The following FAAH variants were observed in gnomAD, a reference collection of about 807,000 sequenced individuals.
FAAH encodes the protein fatty acid amide hydrolase, also known as fatty-acid amide hydrolase 1.
FAAH carries 63 observed loss-of-function variants against 69.7 expected under a neutral mutation model. That is an observed-to-expected ratio of 0.90 (90% CI 0.74 to 1.12). The LOEUF (loss-of-function observed/expected upper bound fraction) is 1.12. Among genes scored for constraint, FAAH ranks in the 50% most tolerant of loss-of-function variants. The pLI is 0.00. For missense variants in FAAH, 680 were observed against 755.0 expected (o/e 0.90, Z 1.16); for synonymous variants, 305 against 324.2 (o/e 0.94, Z 0.64).
At chr1:46,399,514 C>G (rs1049136205) in intron 1 of FAAH, among the ~76,000 whole-genome samples, 2 of 152,134 alleles carry the variant, frequency 1.3e-5, no homozygotes, top group Non-Finnish European at 2.9e-5. Flanking sequence ...GTGTGCTGAG[C>G]GTGGAGGGGA....
At position 46,400,711 on chromosome 1, in the gene FAAH, G is replaced by A. The variant is rs148610976; in HGVS notation, c.196-1380G>A. On this transcript the variant is annotated intron_variant, in intron 1 of 14. Coordinates refer to ENST00000243167, the MANE Select transcript of FAAH (RefSeq NM_001441.3). ...GTGACAGGAATAGCCCAGTGAGCTG[G>A]TTTGGGCTCCATTGCCTCGGGCTGG... Among the ~76,000 whole-genome samples, 1,164 of 144,840 alleles carry A rather than the reference G, an allele frequency of 8.0e-3. 14 individuals are homozygous for A. The highest frequency in any genetic ancestry group is 0.019 in the South Asian group (81 of 4,300).
Position 46,405,858 on chromosome 1 carries a change from C to G in FAAH, c.785+64C>G, listed in dbSNP as rs991980853. 1 of 1,607,428 alleles carries G rather than the reference C, an allele frequency of 6.2e-7. No homozygotes were observed. Among genetic ancestry groups the G allele is most frequent in the Non-Finnish European group, 8.5e-7 (1 of 1,177,262 alleles). ...GTGACCTTGGCCTAGCTTCCAACCT[C>G]TCTGGGCTCCAGGCGGGGATTCGGT... is the stretch of plus-strand genomic sequence containing the variant. On this transcript the variant is annotated intron_variant, in intron 5 of 14. Transcript: ENST00000243167. The surrounding 1 kb of genome is among the most constrained non-coding windows in gnomAD (Gnocchi z 4.1).
rs1404614941 is a variant in FAAH, at chr1:46,394,440, G to A, written c.92G>A (p.Trp31Ter). ...CFVAAAVALR[W>*]SGRRTARGAV... ...GTGGCGGCGGCCGTGGCCCTGCGCT[G>A]GTCCGGGCGCCGGACGGCGCGGGGC... The change falls in exon 1 of 15, where the codon TGG (tryptophan) becomes TAG (stop). Residue 31 changes from tryptophan to a stop codon, truncating the protein, a stop_gained. Coordinates refer to ENST00000243167, the MANE Select transcript of FAAH (RefSeq NM_001441.3). LOFTEE classifies it high-confidence loss of function. 2 of 1,397,062 alleles carry A rather than the reference G, an allele frequency of 1.4e-6. No homozygotes were observed. Among genetic ancestry groups the A allele is most frequent in the South Asian group, 1.6e-5 (1 of 61,854 alleles). 86.5% of individuals were successfully genotyped at this position (1,397,062 alleles called of 1,614,324 possible).
intron 8 of FAAH, 139 bp from the exon 9 acceptor site, chr1:46,408,962 A>T: frequency 1.3e-6 from 1 of 749,734 alleles, no homozygotes; most frequent in African/African-American, 1.7e-5. Flanking sequence ...ATGGGTCAGT[A>T]AGGCTGCCTT....
intron 1 of FAAH, among the ~76,000 whole-genome samples, chr1:46,399,838 G>C (rs577575651): frequency 2.8e-4 from 43 of 152,092 alleles, no homozygotes; most frequent in Non-Finnish European, 5.1e-4. Context: ...TGACATGGTG[G>C]GTTTTTCATA....
At position 46,405,028 on chromosome 1, in the gene FAAH, C is replaced by A; in HGVS notation, c.324C>A (p.Asn108Lys). Residue 108 changes from asparagine (N) to lysine (K), a missense_variant, in exon 3 of 15, where the codon AAC becomes AAA. Physicochemically the swap from Asn to Lys is moderately conservative, Grantham distance 94. Coordinates refer to ENST00000243167, the MANE Select transcript of FAAH (RefSeq NM_001441.3). The surrounding 1 kb of genome is among the most constrained non-coding windows in gnomAD (Gnocchi z 4.1). ...CCCTTCCTCAGGCCTGGGAAGTGAACAAAGGGACCAACTGTGTGACCTCCT... is the reference window on the plus strand; with the variant it reads ...CCCTTCCTCAGGCCTGGGAAGTGAAAAAAGGGACCAACTGTGTGACCTCCT... ...FTYVGKAWEV[N>K]KGTNCVTSYL... The A allele has an allele frequency of 4.3e-6, 7 of 1,614,106 alleles. No homozygotes were observed. The highest frequency in any genetic ancestry group is 1.1e-5 in the South Asian group (1 of 91,086).
intron 9 of FAAH, 99 bp downstream of exon 9, chr1:46,409,297 A>T: frequency 1.1e-6 from 1 of 943,188 alleles, no homozygotes; most frequent in South Asian, 1.3e-5. Context: ...GCCTTAGCTG[A>T]ATCCAACAAA....
intron 1 of FAAH, among the ~76,000 whole-genome samples, chr1:46,396,990 G>C (rs1238989420): frequency 6.6e-6 from 1 of 152,226 alleles, no homozygotes; most frequent in East Asian, 1.9e-4. Flanking sequence ...TCCACCATCA[G>C]TCAGTTTTTA....
intron 1 of FAAH, among the ~76,000 whole-genome samples, chr1:46,399,348 G>T (rs979187412): frequency 2.6e-5 from 4 of 152,212 alleles, no homozygotes; most frequent in African/African-American, 9.6e-5. Context: ...TCAGGTTTCC[G>T]CATGTTCACT....
In FAAH at chr1:46,405,570, C is replaced by G. The variant is rs1420456126; in HGVS notation, c.579-18C>G. 6.2e-7 allele frequency: 1 copy of G among 1,613,202 alleles called. No homozygotes were observed. The highest frequency in any genetic ancestry group is 1.3e-5 in the African/African-American group (1 of 74,948). On this transcript the variant is annotated intron_variant, in intron 4 of 14. Transcript: ENST00000243167. The surrounding 1 kb of genome is among the most constrained non-coding windows in gnomAD (Gnocchi z 4.1). Reference sequence around the variant, plus strand: ...GGTCCCAGCATGGCACGGGCTGACCCATTCTTGGCTCCTCCAGCTATGACT... The same window carrying G: ...GGTCCCAGCATGGCACGGGCTGACCGATTCTTGGCTCCTCCAGCTATGACT...
At position 46,401,325 on chromosome 1, in the gene FAAH, T is replaced by C. The variant is rs74227911; in HGVS notation, c.196-766T>C. Among the ~76,000 whole-genome samples the C allele has an allele frequency of 6.6e-3, 998 of 152,072 alleles. 12 individuals carry two copies. The highest frequency in any genetic ancestry group is 0.041 in the Middle Eastern group (12 of 294). ...CCTTCAAATCACAGCTGAAATGTGGTTTCTTCAGATAGGCAGCCTTTAAGA... is the reference window on the plus strand; with the variant it reads ...CCTTCAAATCACAGCTGAAATGTGGCTTCTTCAGATAGGCAGCCTTTAAGA... On this transcript the variant is annotated intron_variant, in intron 1 of 14. Coordinates refer to ENST00000243167, the MANE Select transcript of FAAH (RefSeq NM_001441.3).
chr1:46,405,495 T>A lies in FAAH; in HGVS notation c.568T>A (p.Ser190Thr). The A allele has an allele frequency of 8.4e-7, 1 of 1,195,020 alleles. No individual in the cohort carries two copies. Among genetic ancestry groups the A allele is most frequent in the Non-Finnish European group, 1.2e-6 (1 of 861,930 alleles). 74.0% of individuals were successfully genotyped at this position (1,195,020 alleles called of 1,614,324 possible). ...VPFVHTNVPQ[S>T]MFSYDCSNPL... The stretch of plus-strand genomic sequence containing the variant: ...CTTCGTGCACACCAATGTTCCACAG[T>A]CCATGTTCAGGTTGGGTCTTGGGGT... The change falls in exon 4 of 15, where the codon TCC becomes ACC. Residue 190 changes from serine (S) to threonine (T), a missense_variant. Transcript: ENST00000243167. The surrounding 1 kb of genome is among the most constrained non-coding windows in gnomAD (Gnocchi z 4.1).
In FAAH at chr1:46,413,404, T is replaced by C. The variant is rs2148454762; in HGVS notation, c.1612-43T>C. On this transcript the variant is annotated intron_variant, in intron 14 of 14. Transcript: ENST00000243167. ...GCTTCCTGGGCCTGGGGGTGGGGAG[T>C]CCTGCCTTGCTAACCCTATCCTGAT... is the stretch of plus-strand genomic sequence containing the variant. 2.5e-6 allele frequency: 4 copies of C among 1,613,274 alleles called. No individual in the cohort carries two copies. In the East Asian group the frequency reaches 8.9e-5, roughly 36 times the overall value.
At chr1:46,397,493 G>C (rs753589265) in intron 1 of FAAH, among the ~76,000 whole-genome samples, 6 of 152,156 alleles carry the variant, frequency 3.9e-5, no homozygotes, top group Non-Finnish European at 8.8e-5. Flanking sequence ...CAGCAAAGGG[G>C]TGGGGTCCTG....
At chr1:46,413,023 T>G (rs1664944574) in intron 13 of FAAH, 52 bp from the exon 14 acceptor site, 10 of 1,608,556 alleles carry the variant, frequency 6.2e-6, no homozygotes, top group Non-Finnish European at 8.5e-6. Context: ...AGGCCCGGAG[T>G]TGGCACTGAA....
rs766314769 is a variant in FAAH at position 46,408,471 on chromosome 1, T to A, written c.964T>A (p.Ser322Thr). The change falls in exon 8 of 15, where the codon TCT (serine) becomes ACT (threonine). Residue 322 changes from serine to threonine, a missense_variant. Coordinates refer to ENST00000243167, the MANE Select transcript of FAAH (RefSeq NM_001441.3). ...LPFREEVYTS[S>T]QPLRVGYYET... ...GTTTTCCCTCCAGGTCTACACCAGC[T>A]CTCAGCCCCTGCGTGTGGGGTACTA... The A allele has an allele frequency of 6.2e-7, 1 of 1,614,158 alleles. No individual in the cohort carries two copies. The highest frequency in any genetic ancestry group is 1.1e-5 in the South Asian group (1 of 91,082).
At position 46,396,330 on chromosome 1, in the gene FAAH, T is replaced by G. The variant is rs919117474; in HGVS notation, c.195+1787T>G. ...TAGGATCGGGTTTTACACTGACACA[T>G]TCCATTCCCAGGGACGAGCAGGAGA... On this transcript the variant is annotated intron_variant, in intron 1 of 14. Coordinates refer to ENST00000243167, the MANE Select transcript of FAAH (RefSeq NM_001441.3). 3.9e-5 allele frequency among the ~76,000 whole-genome samples: 6 copies of G among 152,316 alleles called. No homozygotes were observed. The South Asian group carries it at 1.2e-3, about 32-fold the overall frequency.
Position 46,405,872 on chromosome 1 carries a change from C to G in FAAH, c.785+78C>G, listed in dbSNP as rs750075073. On this transcript the variant is annotated intron_variant, in intron 5 of 14. Transcript: ENST00000243167. The surrounding 1 kb of genome is among the most constrained non-coding windows in gnomAD (Gnocchi z 4.1). ...GCTTCCAACCTCTCTGGGCTCCAGG[C>G]GGGGATTCGGTCTCCGGGGTTTTGC... is the stretch of plus-strand genomic sequence containing the variant. The G allele has an allele frequency of 1.9e-6, 3 of 1,604,864 alleles. No homozygotes were observed. The African/African-American group carries it at 4.0e-5, about 21-fold the overall frequency.
Position 46,404,897 on chromosome 1 carries a change from G to C in FAAH, c.310-117G>C. ...GCCCCAGGCTCTGGGCCATGTTGCT[G>C]GTTACCCCTCTCCCTGGGTATACTT... On this transcript the variant is annotated intron_variant, in intron 2 of 14. Transcript: ENST00000243167. This position sits in a 1 kb window ranked among gnomAD's most constrained non-coding sequence, Gnocchi z 4.5. 7.2e-7 allele frequency: 1 copy of C among 1,396,252 alleles called. No individual in the cohort carries two copies. The highest frequency in any genetic ancestry group is 1.2e-5 in the South Asian group (1 of 82,810). The allele number at this position is 1,396,252 out of a possible 1,614,324, so 86.5% of individuals were successfully genotyped here.
Sources: gnomAD v4.1 joint callset for allele counts (sites outside exome capture counted in the v4.1 genomes callset) on GRCh38, gnomAD v4.1.1 for gene constraint, Gnocchi (gnomAD v3.1) non-coding constraint, MANE v1.5 for transcripts, NCBI Gene and HGNC (gene_info 2026-07-23, HGNC 2026-07-21) for gene names.